Variants in SLC4A7 observed in about 807,000 individuals in gnomAD.
The protein encoded by SLC4A7 is solute carrier family 4 member 7, also known as sodium bicarbonate cotransporter 3.
A neutral mutation model predicts 137.6 loss-of-function variants in SLC4A7; 51 were observed. That is an observed-to-expected ratio of 0.37 (90% CI 0.30 to 0.47). The LOEUF is 0.47. Among genes scored for constraint, SLC4A7 ranks in the 20% least tolerant of loss-of-function variants. The probability of loss-of-function intolerance (pLI) is 1.00; values close to 1 mark genes in which losing one functional copy is unlikely to be tolerated. For synonymous variants in SLC4A7, 542 were observed against 518.6 expected (o/e 1.05, Z -0.61); for missense variants, 1,247 against 1,525.4 (o/e 0.82, Z 3.04).
intron 13 of SLC4A7, among the ~76,000 whole-genome samples, chr3:27,406,559 G>A (rs146430731): frequency 3.9e-4 from 59 of 152,268 alleles, no homozygotes; most frequent in African/African-American, 1.4e-3. Flanking sequence ...AAAAGACACT[G>A]CTAAGCCATC....
chr3:27,459,319 C>T (rs1576597458), intron 1 of SLC4A7, among the ~76,000 whole-genome samples: 3 of 152,272 alleles, frequency 2.0e-5, no homozygotes, highest in African/African-American at 7.2e-5. Flanking sequence ...CTATCATGGA[C>T]ACTACCAAAC....
chr3:27,415,282 T>C (rs925240275), intron 11 of SLC4A7, among the ~76,000 whole-genome samples: 15 of 152,162 alleles, frequency 9.9e-5, no homozygotes, highest in African/African-American at 3.1e-4. Context: ...TCAGGAACAA[T>C]GCACTGATGG....
chr3:27,413,163 C>T (rs545434942), intron 11 of SLC4A7, among the ~76,000 whole-genome samples: 1 of 151,972 alleles, frequency 6.6e-6, no homozygotes, highest in African/African-American at 2.4e-5. Flanking sequence ...TAACTCCATG[C>T]AAATAAATTT....
At position 27,442,292 on chromosome 3, in the gene SLC4A7, T is replaced by A. The variant is rs192918624; in HGVS notation, c.290-4766A>T. On this transcript the variant is annotated intron_variant, in intron 3 of 25. Coordinates refer to ENST00000454389, the MANE Select transcript of SLC4A7 (RefSeq NM_001321103.2). The stretch of plus-strand genomic sequence containing the variant: ...TATTATATTGAATAGATCTTGTATA[T>A]CTTTAGAGAAACATGATCTTTGTTG... Among the ~76,000 whole-genome samples, 280 of 152,310 alleles carry A rather than the reference T, an allele frequency of 1.8e-3. 1 individual carries two copies. The highest frequency in any genetic ancestry group is 5.7e-4 in the Non-Finnish European group (39 of 68,036).
At chr3:27,473,705 C>CAAAAAAAAA (rs747183440) in intron 1 of SLC4A7, among the ~76,000 whole-genome samples, 1 of 59,464 alleles carries the variant, frequency 1.7e-5, no homozygotes, top group African/African-American at 7.6e-5. Flanking sequence ...GACCTCATGT[C>CAAAAAAAAA]AAAAAAAAAA....
At chr3:27,426,561 C>T (rs1171928500) in intron 7 of SLC4A7, among the ~76,000 whole-genome samples, 10 of 152,074 alleles carry the variant, frequency 6.6e-5, no homozygotes, top group Non-Finnish European at 4.4e-5. Context: ...CAGAATAGTC[C>T]TAGCTGCCAG....
chr3:27,472,840 G>A (rs181684331), intron 1 of SLC4A7, among the ~76,000 whole-genome samples: 17 of 152,354 alleles, frequency 1.1e-4, no homozygotes, highest in East Asian at 5.8e-4. Flanking sequence ...AGCACTTTGG[G>A]AGGCCGAGGC....
chr3:27,461,982 T>A (rs1399697199), intron 1 of SLC4A7, among the ~76,000 whole-genome samples: 1 of 151,958 alleles, frequency 6.6e-6, no homozygotes, highest in African/African-American at 2.4e-5. Flanking sequence ...ATGAACCAAG[T>A]AATTCCCTTA....
At chr3:27,408,197 T>C (rs747260286) in intron 13 of SLC4A7, among the ~76,000 whole-genome samples, 3 of 152,210 alleles carry the variant, frequency 2.0e-5, no homozygotes, top group Non-Finnish European at 4.4e-5. Flanking sequence ...CTTACACTTA[T>C]CTATATTCCT....
chr3:27,453,483 C>T (rs540685376), intron 1 of SLC4A7, among the ~76,000 whole-genome samples: 7 of 152,164 alleles, frequency 4.6e-5, no homozygotes, highest in African/African-American at 1.7e-4. Flanking sequence ...TGTGGTGGCA[C>T]GCGCCTGTAA....
intron 3 of SLC4A7, among the ~76,000 whole-genome samples, chr3:27,438,248 T>G (rs947036830): frequency 2.0e-5 from 3 of 151,208 alleles, no homozygotes; most frequent in Non-Finnish European, 1.5e-5. Flanking sequence ...GGCTCACGCC[T>G]GTAATTCCAG....
intron 22 of SLC4A7, among the ~76,000 whole-genome samples, chr3:27,388,031 G>T (rs2150060980): frequency 6.6e-6 from 1 of 152,188 alleles, no homozygotes; most frequent in African/African-American, 2.4e-5. Context: ...CATTGAGAGA[G>T]ACTGCCTACT....
At chr3:27,456,874 A>G in intron 1 of SLC4A7, 1 of 1,379,910 alleles carries the variant, frequency 7.2e-7, no homozygotes, top group Non-Finnish European at 9.3e-7. Flanking sequence ...ACTACAACTT[A>G]CACAGGGTCA....
intron 12 of SLC4A7, 100 bp from the exon 13 acceptor site, chr3:27,409,630 T>C: frequency 1.2e-6 from 1 of 806,772 alleles, no homozygotes; most frequent in South Asian, 2.0e-5. Context: ...TGCCTAGGTG[T>C]TTTGTCAACA....
chr3:27,457,882 T>G (rs1390812814), intron 1 of SLC4A7, among the ~76,000 whole-genome samples: 1 of 152,196 alleles, frequency 6.6e-6, no homozygotes, highest in South Asian at 2.1e-4. Flanking sequence ...TGAATTATTA[T>G]CATGGGTAAC....
intron 24 of SLC4A7, among the ~76,000 whole-genome samples, chr3:27,382,511 CAA>C (rs1032082451): frequency 2.6e-5 from 4 of 152,118 alleles, no homozygotes; most frequent in Non-Finnish European, 4.4e-5. Context: ...TTTAAAACTA[CAA>C]AAGTCTGCAT....
chr3:27,395,340 G>A (rs778784422), intron 18 of SLC4A7, among the ~76,000 whole-genome samples: 3 of 152,134 alleles, frequency 2.0e-5, no homozygotes, highest in Non-Finnish European at 4.4e-5. Context: ...ACCTAGAGGT[G>A]GAGTCTGCCT....
chr3:27,482,383 T>C (rs745874409), intron 1 of SLC4A7, among the ~76,000 whole-genome samples: 11 of 152,332 alleles, frequency 7.2e-5, no homozygotes, highest in South Asian at 4.1e-4. Flanking sequence ...TACTGCTCAA[T>C]TGAAAATTTG....
At chr3:27,407,317 T>C (rs1397904806) in intron 13 of SLC4A7, among the ~76,000 whole-genome samples, 1 of 151,502 alleles carries the variant, frequency 6.6e-6, no homozygotes, top group South Asian at 2.1e-4. Context: ...CTGTCTCTAC[T>C]AAAAATACAA....
Sources: allele counts gnomAD v4.1 joint callset (sites outside exome capture counted in the v4.1 genomes callset), GRCh38; gene constraint gnomAD v4.1.1; transcripts MANE v1.5; gene names NCBI Gene and HGNC (gene_info 2026-07-23, HGNC 2026-07-21).